Variants in CFAP300 observed in about 807,000 individuals in gnomAD.
The protein encoded by CFAP300 is cilia and flagella associated protein 300, also known as cilia- and flagella-associated protein 300.
CFAP300 carries 32 observed loss-of-function variants against 33.0 expected under a neutral mutation model. The ratio of observed to expected loss-of-function variants is 0.97; its 90% CI spans 0.73 to 1.30. The LOEUF is 1.30. CFAP300 is among the 50% of genes most tolerant of loss of function. CFAP300 has a pLI of 0.00. For synonymous variants in CFAP300, 102 were observed against 106.8 expected (o/e 0.95, Z 0.28); for missense variants, 356 against 318.1 (o/e 1.12, Z -0.90).
chr11:102,054,505 G>A (rs1942019493), intron 2 of CFAP300, among the ~76,000 whole-genome samples: 1 of 152,072 alleles, frequency 6.6e-6, no homozygotes, highest in East Asian at 1.9e-4. Context: ...GCCTGAGATG[G>A]ATGGATCCTC....
At chr11:102,062,437 G>T (rs1212016004) in intron 3 of CFAP300, among the ~76,000 whole-genome samples, 1 of 152,202 alleles carries the variant, frequency 6.6e-6, no homozygotes, top group Non-Finnish European at 1.5e-5. Flanking sequence ...GGCAATTCTG[G>T]TGATAGCGCC....
intron 3 of CFAP300, among the ~76,000 whole-genome samples, chr11:102,059,300 T>C (rs1565390702): frequency 2.0e-5 from 1 of 49,726 alleles, no homozygotes; most frequent in African/African-American, 8.8e-5. Flanking sequence ...TGTGTGTGTG[T>C]GTGTGTGTGT....
chr11:102,055,083 C>T (rs1327091029), intron 2 of CFAP300, among the ~76,000 whole-genome samples: 1 of 149,594 alleles, frequency 6.7e-6, no homozygotes, highest in Non-Finnish European at 1.5e-5. Flanking sequence ...GGGATTCAAG[C>T]GATTCTCCTG....
Position 102,066,745 on chromosome 11 carries a change from T to A in CFAP300, c.435+94T>A. On this transcript the variant is annotated intron_variant, in intron 4 of 6. Coordinates refer to ENST00000434758, the MANE Select transcript of CFAP300 (RefSeq NM_032930.3). The stretch of plus-strand genomic sequence containing the variant: ...TGCCTGCTTAAAGCATAAAATACCT[T>A]GTCATAAAATACCACCTATTTATAA... 8 of 1,002,930 alleles carry A rather than the reference T, an allele frequency of 8.0e-6. No individual in the cohort carries two copies. In the South Asian group the frequency reaches 1.2e-4, roughly 16 times the overall value. The allele number at this position is 1,002,930 out of a possible 1,614,324, so 62.1% of individuals were successfully genotyped here.
In CFAP300 at chr11:102,076,054, G is replaced by A; in HGVS notation, c.608+9G>A. 1 of 1,597,394 alleles carries A rather than the reference G, an allele frequency of 6.3e-7. No homozygotes were observed. Among genetic ancestry groups the A allele is most frequent in the Non-Finnish European group, 8.5e-7 (1 of 1,174,370 alleles). ...TATAAGGATCTGGTGAGGTAATGTT[G>A]CTAGATCACAATATGTAAATCTCTA... On this transcript the variant is annotated intron_variant, in intron 5 of 6. Transcript: ENST00000434758.
rs777760342 is a variant in CFAP300, at chr11:102,066,680, T to G, written c.435+29T>G. Reference sequence around the variant, plus strand: ...AGTACAGAATTTTAAAATTTCGCAGTGGAATTTTATTTCAGGAAATGCAAA... The same window carrying G: ...AGTACAGAATTTTAAAATTTCGCAGGGGAATTTTATTTCAGGAAATGCAAA... On this transcript the variant is annotated intron_variant, in intron 4 of 6. Coordinates refer to ENST00000434758, the MANE Select transcript of CFAP300 (RefSeq NM_032930.3). The G allele has an allele frequency of 2.6e-6, 4 of 1,560,364 alleles. 1 individual carries two copies. The Admixed American group carries it at 8.7e-5, about 34-fold the overall frequency.
chr11:102,059,750 C>G (rs555823601), intron 3 of CFAP300, among the ~76,000 whole-genome samples: 1 of 151,618 alleles, frequency 6.6e-6, no homozygotes, highest in South Asian at 2.1e-4. Flanking sequence ...TGGGCAAAAT[C>G]TAAATTGAGA....
At chr11:102,070,842 T>G (rs1942303433) in intron 4 of CFAP300, among the ~76,000 whole-genome samples, 1 of 152,196 alleles carries the variant, frequency 6.6e-6, no homozygotes, top group African/African-American at 2.4e-5. Flanking sequence ...TTCTCATGTA[T>G]TTGTATAGTT....
chr11:102,069,404 G>A (rs887631053), intron 4 of CFAP300, among the ~76,000 whole-genome samples: 6 of 152,172 alleles, frequency 3.9e-5, no homozygotes, highest in African/African-American at 1.2e-4. Context: ...TAAGAGCTAC[G>A]TAGCTGAAGA....
In CFAP300 at chr11:102,083,321, G is replaced by C; in HGVS notation, c.*122G>C. The C allele has an allele frequency of 1.3e-6, 1 of 793,528 alleles. No homozygotes were observed. The highest frequency in any genetic ancestry group is 1.8e-5 in the African/African-American group (1 of 55,058). The allele number at this position is 793,528 out of a possible 1,614,324, so 49.2% of individuals were successfully genotyped here. A position where few individuals can be genotyped will look rare whatever the true frequency, so the allele number is the denominator to read the frequency against. On this transcript the variant is annotated 3_prime_UTR_variant, in exon 7 of 7. Transcript: ENST00000434758. ...AAGAAAAATGTAAGGAGCCTACTTA[G>C]AGCAGAAGAAAGCAAACACCAAGAT...
chr11:102,068,455 C>G (rs755971880), intron 4 of CFAP300, among the ~76,000 whole-genome samples: 8 of 152,174 alleles, frequency 5.3e-5, no homozygotes, highest in Middle Eastern at 3.2e-3. Flanking sequence ...ATAGTTTGCT[C>G]TTAGGTAAAT....
chr11:102,054,418 T>A (rs2135015300), intron 2 of CFAP300, among the ~76,000 whole-genome samples: 1 of 151,696 alleles, frequency 6.6e-6, no homozygotes, highest in Non-Finnish European at 1.5e-5. Flanking sequence ...AGGAACCAGA[T>A]AGAGAGGAAT....
chr11:102,083,272 A>G lies in CFAP300; in HGVS notation c.*73A>G. The G allele has an allele frequency of 8.5e-7, 1 of 1,173,638 alleles. No homozygotes were observed. The highest frequency in any genetic ancestry group is 3.1e-5 in the East Asian group (1 of 32,542). The allele number at this position is 1,173,638 out of a possible 1,614,324, so 72.7% of individuals were successfully genotyped here. On this transcript the variant is annotated 3_prime_UTR_variant, in exon 7 of 7. Transcript: ENST00000434758. The stretch of plus-strand genomic sequence containing the variant: ...CTATCTTAATACTAACTTATAGATA[A>G]ACATATACTTTGCAAATTAATTCAA...
chr11:102,061,761 C>G (rs1199992097), intron 3 of CFAP300, among the ~76,000 whole-genome samples: 1 of 152,184 alleles, frequency 6.6e-6, no homozygotes, highest in African/African-American at 2.4e-5. Flanking sequence ...TCTGTCACTT[C>G]CACGTTGATG....
chr11:102,070,019 C>T (rs1942288423), intron 4 of CFAP300, among the ~76,000 whole-genome samples: 1 of 152,160 alleles, frequency 6.6e-6, no homozygotes, highest in East Asian at 1.9e-4. Flanking sequence ...TGAGAGTATT[C>T]ATGTAAGAAA....
chr11:102,066,634 T>G lies in CFAP300; in HGVS notation c.418T>G (p.Ser140Ala). Residue 140 changes from serine (S) to alanine (A), a missense_variant, in exon 4 of 7, where the codon TCT becomes GCT. Ser to Ala is a moderately conservative substitution (Grantham distance 99). Transcript: ENST00000434758. The part of the protein sequence containing the change: ...LDSFCDPFLI[S>A]DELRRVLLVE... Reference sequence around the variant, plus strand: ...TTCTTTTTGTGATCCATTTCTCATTTCTGATGAGTTACGAAGAGTAAGTAC... The same window carrying G: ...TTCTTTTTGTGATCCATTTCTCATTGCTGATGAGTTACGAAGAGTAAGTAC... 5.0e-6 allele frequency: 8 copies of G among 1,607,012 alleles called. No individual in the cohort carries two copies. Among genetic ancestry groups the G allele is most frequent in the Non-Finnish European group, 6.8e-6 (8 of 1,178,486 alleles).
At chr11:102,072,697 T>C (rs143386772) in intron 4 of CFAP300, among the ~76,000 whole-genome samples, 43 of 152,332 alleles carry the variant, frequency 2.8e-4, no homozygotes, top group African/African-American at 1.0e-3. Context: ...GGAGGTGTCA[T>C]CTTTTCTTCC....
At chr11:102,054,098 C>T (rs1942012867) in intron 2 of CFAP300, among the ~76,000 whole-genome samples, 1 of 152,224 alleles carries the variant, frequency 6.6e-6, no homozygotes, top group Non-Finnish European at 1.5e-5. Context: ...GCAAACGCCA[C>T]AATCAGGGCT....
intron 4 of CFAP300, among the ~76,000 whole-genome samples, chr11:102,073,874 G>A (rs1942355268): frequency 6.6e-6 from 1 of 152,162 alleles, no homozygotes; most frequent in Non-Finnish European, 1.5e-5. Context: ...GCTGTGGGTG[G>A]GAGATCCCAT....
Sources: allele counts gnomAD v4.1 joint callset (sites outside exome capture counted in the v4.1 genomes callset), GRCh38; gene constraint gnomAD v4.1.1; transcripts MANE v1.5; gene names NCBI Gene and HGNC (gene_info 2026-07-23, HGNC 2026-07-21).